CSMD3: variants seen among roughly 807,000 people sequenced by gnomAD.
CSMD3 encodes CUB and sushi domain-containing protein 3.
CSMD3 carries 177 observed loss-of-function variants against 435.2 expected under a neutral mutation model. The ratio of observed to expected loss-of-function variants is 0.41; its 90% CI spans 0.36 to 0.46. CSMD3 has a LOEUF of 0.46. CSMD3 is among the 20% of genes least tolerant of loss of function. The pLI, the probability that CSMD3 is intolerant of heterozygous loss-of-function variation, is 0.34. For missense variants in CSMD3, 4,265 were observed against 4,504.6 expected (o/e 0.95, Z 1.52); for synonymous variants, 1,656 against 1,520.5 (o/e 1.09, Z -2.07).
intron 67 of CSMD3, among the ~76,000 whole-genome samples, chr8:112,235,154 C>T (rs2129956465): frequency 6.6e-6 from 1 of 152,110 alleles, no homozygotes; most frequent in Non-Finnish European, 1.5e-5. Flanking sequence ...TGGTCTGAAT[C>T]CAAAAGTATG....
intron 10 of CSMD3, among the ~76,000 whole-genome samples, chr8:112,881,891 A>G (rs2081458907): frequency 6.6e-6 from 1 of 151,962 alleles, no homozygotes; most frequent in Non-Finnish European, 1.5e-5. Context: ...CTATTTCTCT[A>G]TGCAAAATAA....
chr8:113,232,682 G>C lies in CSMD3; in HGVS notation c.514+45910C>G, dbSNP rs1378154253. On this transcript the variant is annotated intron_variant, in intron 3 of 70. Transcript: ENST00000297405. ...TTATAGAAGGAGTAATGTCCAGTAT[G>C]TTGTAGAATAACTTTTAAGGTAATC... 5.3e-5 allele frequency among the ~76,000 whole-genome samples: 8 copies of C among 151,814 alleles called. No individual in the cohort carries two copies. In the East Asian group the frequency reaches 1.5e-3, roughly 29 times the overall value.
chr8:112,301,466 A>G (rs1272181044), intron 53 of CSMD3, among the ~76,000 whole-genome samples: 3 of 152,168 alleles, frequency 2.0e-5, no homozygotes, highest in African/African-American at 7.2e-5. Context: ...AGAATTGACT[A>G]TGGTTTAGAA....
rs535456101 is a variant in CSMD3, at chr8:112,223,549, T to C, written c.*1222A>G. On this transcript the variant is annotated 3_prime_UTR_variant, in exon 71 of 71. Transcript: ENST00000297405. ...ATAACTTACAAATACATATCTTAAT[T>C]TGACAATGAAAGAAACCTCTTGTAT... is the stretch of plus-strand genomic sequence containing the variant. The C allele has an allele frequency of 2.0e-5, 3 of 153,220 alleles. No individual in the cohort carries two copies. Among genetic ancestry groups the C allele is most frequent in the African/African-American group, 7.2e-5 (3 of 41,596 alleles). 9.5% of individuals were successfully genotyped at this position (153,220 alleles called of 1,614,324 possible).
intron 3 of CSMD3, among the ~76,000 whole-genome samples, chr8:113,260,956 T>C (rs1199117528): frequency 6.6e-6 from 1 of 152,212 alleles, no homozygotes; most frequent in Admixed American, 6.5e-5. Flanking sequence ...TGCCACATTT[T>C]CTTTATCCAG....
chr8:113,073,132 T>C (rs897704760), intron 5 of CSMD3, among the ~76,000 whole-genome samples: 5 of 151,850 alleles, frequency 3.3e-5, no homozygotes, highest in Admixed American at 2.0e-4. Context: ...CATTTATCCA[T>C]ATGAAATTTC....
At chr8:113,390,604 C>T (rs1333036634) in intron 1 of CSMD3, among the ~76,000 whole-genome samples, 1 of 151,814 alleles carries the variant, frequency 6.6e-6, no homozygotes, top group Non-Finnish European at 1.5e-5. Context: ...AAATATCACT[C>T]CTCTAAAGAT....
intron 10 of CSMD3, among the ~76,000 whole-genome samples, chr8:112,899,173 T>C (rs755094754): frequency 3.3e-5 from 5 of 151,172 alleles, no homozygotes; most frequent in Non-Finnish European, 7.4e-5. Context: ...CTATTCCTAC[T>C]TCAGTACTTT....
At chr8:112,810,273 CTAATA>C (rs2079188662) in intron 12 of CSMD3, among the ~76,000 whole-genome samples, 1 of 151,978 alleles carries the variant, frequency 6.6e-6, no homozygotes, top group South Asian at 2.1e-4. Context: ...GTAAAAGTAA[CTAATA>C]TGTGTCTAAA....
chr8:112,858,074 TC>T (rs2080716570), intron 11 of CSMD3, among the ~76,000 whole-genome samples: 1 of 151,642 alleles, frequency 6.6e-6, no homozygotes, highest in African/African-American at 2.4e-5. Context: ...AATCTAATAG[TC>T]CCTTGGTTGA....
chr8:112,606,082 T>A (rs1832769459), intron 22 of CSMD3, among the ~76,000 whole-genome samples: 1 of 152,118 alleles, frequency 6.6e-6, no homozygotes, highest in South Asian at 2.1e-4. Context: ...AGTACCTTTG[T>A]GGAAATCTGG....
intron 31 of CSMD3, among the ~76,000 whole-genome samples, chr8:112,490,930 AT>A (rs1820626356): frequency 6.6e-6 from 1 of 152,118 alleles, no homozygotes; most frequent in Non-Finnish European, 1.5e-5. Context: ...TTATTACTCT[AT>A]TTATTCCTTT....
intron 9 of CSMD3, among the ~76,000 whole-genome samples, chr8:112,942,208 T>C (rs1450672245): frequency 7.1e-6 from 1 of 141,040 alleles, no homozygotes; most frequent in African/African-American, 2.7e-5. Flanking sequence ...CCTAGGAGTG[T>C]AATTGTTGGT....
At position 112,318,761 on chromosome 8, in the gene CSMD3, T is replaced by C. The variant is rs189897356; in HGVS notation, c.7360+76A>G. On this transcript the variant is annotated intron_variant, in intron 47 of 70. Transcript: ENST00000297405. ...AACATTTCATATTTATATAGATTTT[T>C]CTCAATCATACCTATATTAAGTTAA... 6.3e-5 allele frequency: 56 copies of C among 892,264 alleles called. No homozygotes were observed. In the African/African-American group the frequency reaches 8.6e-4, roughly 14 times the overall value. The allele number at this position is 892,264 out of a possible 1,614,324, so 55.3% of individuals were successfully genotyped here.
At chr8:112,661,514 CTGTT>C (rs2075379117) in intron 17 of CSMD3, among the ~76,000 whole-genome samples, 2 of 152,060 alleles carry the variant, frequency 1.3e-5, no homozygotes, top group African/African-American at 4.8e-5. Flanking sequence ...GGCAATCAAA[CTGTT>C]CATCAAGTGA....
intron 45 of CSMD3, among the ~76,000 whole-genome samples, chr8:112,329,731 C>G (rs1258707766): frequency 6.6e-6 from 1 of 151,998 alleles, no homozygotes; most frequent in Non-Finnish European, 1.5e-5. Flanking sequence ...AATACCATAC[C>G]TTATCAACTG....
At chr8:113,162,402 C>T (rs1323246760) in intron 4 of CSMD3, among the ~76,000 whole-genome samples, 1 of 151,414 alleles carries the variant, frequency 6.6e-6, no homozygotes, top group Non-Finnish European at 1.5e-5. Context: ...CCTGTCGCTA[C>T]TAAATACACA....
chr8:112,401,197 C>T (rs938841843), intron 35 of CSMD3, among the ~76,000 whole-genome samples: 3 of 151,984 alleles, frequency 2.0e-5, no homozygotes, highest in African/African-American at 7.2e-5. Context: ...TGCAAGACTC[C>T]ATTTCAAAAA....
At chr8:113,350,699 A>C (rs1012358508) in intron 1 of CSMD3, among the ~76,000 whole-genome samples, 1 of 152,090 alleles carries the variant, frequency 6.6e-6, no homozygotes, top group Non-Finnish European at 1.5e-5. Context: ...AAGTTGCTGC[A>C]TTCTAAAATG....
Sources: gnomAD v4.1 joint callset for allele counts (sites outside exome capture counted in the v4.1 genomes callset) on GRCh38, gnomAD v4.1.1 for gene constraint, MANE v1.5 for transcripts, NCBI Gene and HGNC (gene_info 2026-07-23, HGNC 2026-07-21) for gene names.